Variants in SERPINA10 observed in about 807,000 individuals in gnomAD.
SERPINA10 encodes the protein serpin family A member 10, also known as protein Z-dependent protease inhibitor.
SERPINA10 carries 24 observed loss-of-function variants against 28.0 expected under a neutral mutation model. The ratio of observed to expected loss-of-function variants is 0.86; its 90% CI spans 0.62 to 1.20. SERPINA10 has a LOEUF of 1.20. Among genes scored for constraint, SERPINA10 ranks in the 50% most tolerant of loss-of-function variants. SERPINA10 has a pLI of 0.00. For synonymous variants in SERPINA10, 207 were observed against 203.9 expected, an observed-to-expected ratio of 1.02 and a Z score of -0.13; for missense variants, 521 against 537.7, an observed-to-expected ratio of 0.97 and a Z score of 0.31.
chr14:94,290,730 C>T (rs923880328), intron 1 of SERPINA10, 87 bp from the exon 2 acceptor site: 28 of 1,432,386 alleles, frequency 2.0e-5, no homozygotes, highest in Non-Finnish European at 2.4e-5. Context: ...ACCCTGCCTC[C>T]TTCCTGTGGC....
Position 94,283,852 on chromosome 14 carries a change from G to A in SERPINA10, c.*113C>T. On this transcript the variant is annotated 3_prime_UTR_variant, in exon 5 of 5. Transcript: ENST00000261994. ...ATTTATTTGAGAACACCCTAAACTA[G>A]TTAAGAACAAAAGGAACACTCTCCC... is the stretch of plus-strand genomic sequence containing the variant. The A allele has an allele frequency of 9.2e-7, 1 of 1,086,630 alleles. No individual in the cohort carries two copies. The highest frequency in any genetic ancestry group is 1.8e-5 in the Admixed American group (1 of 56,460). The allele number at this position is 1,086,630 out of a possible 1,614,324, so 67.3% of individuals were successfully genotyped here.
At chr14:94,285,668 T>G (rs1245736519) in intron 4 of SERPINA10, among the ~76,000 whole-genome samples, 1 of 151,920 alleles carries the variant, frequency 6.6e-6, no homozygotes, top group East Asian at 1.9e-4. Context: ...ACTGGAAGCA[T>G]GAAGAGGAAG....
Position 94,283,798 on chromosome 14 carries a change from A to G in SERPINA10, c.*167T>C. 1 of 673,660 alleles carries G rather than the reference A, an allele frequency of 1.5e-6. No individual in the cohort carries two copies. Among genetic ancestry groups the G allele is most frequent in the South Asian group, 1.8e-5 (1 of 55,124 alleles). The allele number at this position is 673,660 out of a possible 1,614,324, so 41.7% of individuals were successfully genotyped here. On this transcript the variant is annotated 3_prime_UTR_variant, in exon 5 of 5. Transcript: ENST00000261994. ...GCATCTGCTGGGGGTCTTTGAATGT[A>G]TCCCCCTCAGATAAGTGGGGACTAC... is the stretch of plus-strand genomic sequence containing the variant.
intron 3 of SERPINA10, among the ~76,000 whole-genome samples, chr14:94,287,565 C>T (rs1377631123): frequency 2.6e-5 from 4 of 152,174 alleles, no homozygotes; most frequent in African/African-American, 4.8e-5. Flanking sequence ...TGTCTTTTCT[C>T]AACACAGGAG....
chr14:94,287,473 C>T (rs754784988), intron 3 of SERPINA10, among the ~76,000 whole-genome samples: 1 of 152,180 alleles, frequency 6.6e-6, no homozygotes, highest in African/African-American at 2.4e-5. Flanking sequence ...CTACCACCAC[C>T]GCAGTCCAGG....
chr14:94,288,287 T>C lies in SERPINA10; in HGVS notation c.991A>G (p.Arg331Gly), dbSNP rs1895072578. Residue 331 changes from arginine to glycine, a missense_variant and splice_region_variant, in exon 3 of 5, where the codon AGA becomes GGA. Physicochemically the swap from Arg to Gly is moderately radical, Grantham distance 125. Transcript: ENST00000261994. ...ATAGGGTGTGGGCAAGAGTTGTACC[T>C]GGTTTTCATGTTTCTGAGCCATGTC... ...VETWLRNMKT[R>G]NMEVFFPKFK... The C allele has an allele frequency of 2.5e-6, 4 of 1,613,666 alleles. No individual in the cohort carries two copies. The South Asian group carries it at 3.3e-5, about 13-fold the overall frequency.
At chr14:94,286,025 T>G in intron 4 of SERPINA10, 83 bp downstream of exon 4, 1 of 1,534,162 alleles carries the variant, frequency 6.5e-7, no homozygotes, top group Non-Finnish European at 9.0e-7. Flanking sequence ...AGGTATTTTA[T>G]CAAAGTTAAA....
chr14:94,282,191 T>C lies in SERPINA10; in HGVS notation c.*1774A>G, dbSNP rs1894917969. On this transcript the variant is annotated 3_prime_UTR_variant, in exon 5 of 5. Coordinates refer to ENST00000261994, the MANE Select transcript of SERPINA10 (RefSeq NM_001100607.3). ...ATGAAAAGTCAGTATTTAGACTGCA[T>C]ATTAATATTATTACCTATTCACATT... is the stretch of plus-strand genomic sequence containing the variant. 6.6e-6 allele frequency: 1 copy of C among 151,996 alleles called. No homozygotes were observed. Among genetic ancestry groups the C allele is most frequent in the Non-Finnish European group, 1.5e-5 (1 of 67,948 alleles). 9.4% of individuals were successfully genotyped at this position (151,996 alleles called of 1,614,324 possible).
intron 3 of SERPINA10, 34 bp from the exon 4 acceptor site, chr14:94,286,292 G>C (rs769267894): frequency 5.6e-6 from 9 of 1,611,526 alleles, no homozygotes; most frequent in Non-Finnish European, 7.6e-6. Context: ...GTGAAATGTA[G>C]ACAAAGCCCT....
In SERPINA10 at chr14:94,290,402, C is replaced by A. The variant is rs143455939; in HGVS notation, c.192G>T (p.Glu64Asp). ...GCCTGCTGGCCATCAGCCAGGCTTT[C>A]TCTTCCTCACTGGCCTTCTCCTCGC... ...EASEEKASEE[E>D]KAWLMASRQQ... The change falls in exon 2 of 5, where the codon GAG becomes GAT. Residue 64 changes from glutamate to aspartate, a missense_variant. Coordinates refer to ENST00000261994, the MANE Select transcript of SERPINA10 (RefSeq NM_001100607.3). 12 of 1,614,056 alleles carry A rather than the reference C, an allele frequency of 7.4e-6. No homozygotes were observed. The African/African-American group carries it at 1.6e-4, about 22-fold the overall frequency.
rs758723532 is a variant in SERPINA10, at chr14:94,290,455, C to T, written c.139G>A (p.Glu47Lys). The T allele has an allele frequency of 2.5e-6, 4 of 1,613,510 alleles. No individual in the cohort carries two copies. Among genetic ancestry groups the T allele is most frequent in the African/African-American group, 1.3e-5 (1 of 75,058 alleles). Residue 47 changes from glutamate to lysine, a missense_variant, in exon 2 of 5, where the codon GAG (glutamate) becomes AAG (lysine). Coordinates refer to ENST00000261994, the MANE Select transcript of SERPINA10 (RefSeq NM_001100607.3). ...GCCTCCTGCTCATCTTCCTCTTCCTCCTTGGGAGCCTGCACTACCCTGCTG... is the reference window on the plus strand; with the variant it reads ...GCCTCCTGCTCATCTTCCTCTTCCTTCTTGGGAGCCTGCACTACCCTGCTG... ...QTSRVVQAPK[E>K]EEEDEQEASE...
rs774273972 is a variant in SERPINA10, at chr14:94,288,280, T to C, written c.992+6A>G. On this transcript the variant is annotated splice_donor_region_variant and intron_variant, in intron 3 of 4. Coordinates refer to ENST00000261994, the MANE Select transcript of SERPINA10 (RefSeq NM_001100607.3). ...AGTTTGTATAGGGTGTGGGCAAGAG[T>C]TGTACCTGGTTTTCATGTTTCTGAG... 1.9e-6 allele frequency: 3 copies of C among 1,613,082 alleles called. No homozygotes were observed. The South Asian group carries it at 3.3e-5, about 18-fold the overall frequency.
chr14:94,288,480 C>A lies in SERPINA10; in HGVS notation c.798G>T (p.Val266=). 1 of 1,614,174 alleles carries A rather than the reference C, an allele frequency of 6.2e-7. No homozygotes were observed. Among genetic ancestry groups the A allele is most frequent in the East Asian group, 2.2e-5 (1 of 44,884 alleles). The stretch of plus-strand genomic sequence containing the variant: ...ACTTGCCTGCACCGTACATCATGGG[C>A]ACCTTAATGGTCTTGTACTTGTCCA... ...FHLDKYKTIK[V]PMMYGAGKFA... Residue 266 remains valine (V), a synonymous_variant, in exon 3 of 5, where the codon GTG becomes GTT. Coordinates refer to ENST00000261994, the MANE Select transcript of SERPINA10 (RefSeq NM_001100607.3).
chr14:94,288,665 T>C, intron 2 of SERPINA10, 106 bp from the exon 3 acceptor site: 3 of 1,440,140 alleles, frequency 2.1e-6, no homozygotes, highest in Non-Finnish European at 2.9e-6. Context: ...CTCTCACTTC[T>C]CGTCTTCTCG....
rs1339301184 is a variant in SERPINA10, at chr14:94,290,146, C to T, written c.448G>A (p.Glu150Lys). 3.7e-6 allele frequency: 6 copies of T among 1,614,080 alleles called. No individual in the cohort carries two copies. The African/African-American group carries it at 5.3e-5, about 14-fold the overall frequency. Residue 150 changes from glutamate (E) to lysine (K), a missense_variant, in exon 2 of 5, where the codon GAG (glutamate) becomes AAG (lysine). Physicochemically the swap from Glu to Lys is moderately conservative, Grantham distance 56. Coordinates refer to ENST00000261994, the MANE Select transcript of SERPINA10 (RefSeq NM_001100607.3). ...AGTTCCAGGTTGCGGGAGAGGGTCT[C>T]TCTGAGTCCCTTAAAGAGGGAAGGC... ...LLPSLFKGLR[E>K]TLSRNLELGL...
intron 1 of SERPINA10, among the ~76,000 whole-genome samples, chr14:94,291,257 G>A (rs1266526340): frequency 6.6e-6 from 1 of 152,066 alleles, no homozygotes; most frequent in African/African-American, 2.4e-5. Flanking sequence ...TGCAGCTCCC[G>A]GGTAGCAGGA....
intron 2 of SERPINA10, 149 bp from the exon 3 acceptor site, chr14:94,288,708 T>G: frequency 8.8e-7 from 1 of 1,130,016 alleles, no homozygotes; most frequent in South Asian, 1.4e-5. Context: ...CTAATTGGGT[T>G]GGCTTTTCCA....
intron 3 of SERPINA10, 149 bp downstream of exon 3, chr14:94,288,137 T>TG: frequency 6.8e-6 from 7 of 1,035,670 alleles, no homozygotes; most frequent in Non-Finnish European, 1.0e-5. Context: ...GGGGATAGAG[T>TG]GGAAAAAAAG....
chr14:94,287,111 C>G (rs995350023), intron 3 of SERPINA10, among the ~76,000 whole-genome samples: 1 of 152,138 alleles, frequency 6.6e-6, no homozygotes, highest in African/African-American at 2.4e-5. Flanking sequence ...TTCCTCTCCT[C>G]TATATTTACA....
Sources: gnomAD v4.1 joint callset for allele counts (sites outside exome capture counted in the v4.1 genomes callset) on GRCh38, gnomAD v4.1.1 for gene constraint, MANE v1.5 for transcripts, NCBI Gene and HGNC (gene_info 2026-07-23, HGNC 2026-07-21) for gene names.